SAMD11: variants seen among roughly 807,000 people sequenced by gnomAD.
SAMD11 encodes the protein sterile alpha motif domain containing 11, also known as sterile alpha motif domain-containing protein 11.
SAMD11 carries 77 observed loss-of-function variants against 64.4 expected under a neutral mutation model. That is an observed-to-expected ratio of 1.20 (90% CI 0.99 to 1.44). The LOEUF is 1.44. SAMD11 is among the 40% of genes most tolerant of loss of function. The pLI, the probability that SAMD11 is intolerant of heterozygous loss-of-function variation, is 0.00. For synonymous variants in SAMD11, 658 were observed against 421.9 expected (o/e 1.56, Z -6.86); for missense variants, 1,402 against 943.3 (o/e 1.49, Z -6.37).
At chr1:942,100 C>CG (rs940241544) in intron 8 of SAMD11, 36 bp from the exon 9 acceptor site, 27 of 605,918 alleles carry the variant, frequency 4.5e-5, no homozygotes, top group African/African-American at 7.9e-5. Context: ...GGAACGGGGG[C>CG]GGGGGGGACG....
intron 7 of SAMD11, 175 bp downstream of exon 7, chr1:939,587 CTGCCCCATG>C: frequency 8.3e-7 from 1 of 1,210,558 alleles, no homozygotes; most frequent in Non-Finnish European, 1.1e-6. Flanking sequence ...GCCACACGTC[CTGCCCCATG>C]CCCCCTGGGG....
chr1:943,837 C>T (rs375770927), intron 13 of SAMD11, 29 bp downstream of exon 13: 109 of 1,612,842 alleles, frequency 6.8e-5, no homozygotes, highest in Non-Finnish European at 9.0e-5. Context: ...AGGTCAGGGT[C>T]TCCAGACCAC....
chr1:928,198 C>A (rs540000009), intron 2 of SAMD11, among the ~76,000 whole-genome samples: 3 of 151,512 alleles, frequency 2.0e-5, no homozygotes, highest in South Asian at 2.1e-4. Flanking sequence ...TCGAGACCAT[C>A]CTGACTAACA....
At chr1:929,674 A>G (rs949570635) in intron 2 of SAMD11, among the ~76,000 whole-genome samples, 1 of 152,220 alleles carries the variant, frequency 6.6e-6, no homozygotes, top group African/African-American at 2.4e-5. Flanking sequence ...CCCAGGCCAC[A>G]GGCAGATCCC....
intron 9 of SAMD11, 41 bp from the exon 10 acceptor site, chr1:942,359 GCTCGGACCGC>G (rs1265864602): frequency 1.4e-5 from 17 of 1,227,258 alleles, no homozygotes; most frequent in Admixed American, 2.6e-5. Context: ...CAAAGGGCCG[GCTCGGACCGC>G]CTCGGACCCC....
Position 942,261 on chromosome 1 carries a change from C to A in SAMD11, c.1474+10C>A. ...CTGTGCCAGACCCCAGGTGAGGAGG[C>A]GGGTGCGCATCCCCTGGGAGCCCGC... is the stretch of plus-strand genomic sequence containing the variant. On this transcript the variant is annotated intron_variant, in intron 9 of 13. Coordinates refer to ENST00000616016, the MANE Select transcript of SAMD11 (RefSeq NM_001385641.1). 1 of 1,145,738 alleles carries A rather than the reference C, an allele frequency of 8.7e-7. No individual in the cohort carries two copies. The highest frequency in any genetic ancestry group is 1.2e-6 in the Non-Finnish European group (1 of 863,978). 71.0% of individuals were successfully genotyped at this position (1,145,738 alleles called of 1,614,324 possible).
At chr1:941,557 G>T (rs975365776) in intron 8 of SAMD11, among the ~76,000 whole-genome samples, 1 of 152,074 alleles carries the variant, frequency 6.6e-6, no homozygotes, top group East Asian at 1.9e-4. Context: ...AGAGCTCCAA[G>T]TCTGGAACCC....
At chr1:937,422 C>T (rs1432679281) in intron 5 of SAMD11, among the ~76,000 whole-genome samples, 1 of 151,776 alleles carries the variant, frequency 6.6e-6, no homozygotes. Flanking sequence ...AGTCACCTCC[C>T]CCAGGCTAGG....
intron 5 of SAMD11, among the ~76,000 whole-genome samples, chr1:936,285 C>T (rs994811953): frequency 7.0e-6 from 1 of 141,856 alleles, no homozygotes; most frequent in Admixed American, 7.0e-5. Context: ...GTCCCGCCTC[C>T]TAGGGCTCCT....
At chr1:937,875 A>T (rs930146129) in intron 5 of SAMD11, among the ~76,000 whole-genome samples, 3 of 152,230 alleles carry the variant, frequency 2.0e-5, no homozygotes, top group African/African-American at 2.4e-5. Context: ...TGGCCGCCGC[A>T]CTTCCCCAGC....
At position 942,450 on chromosome 1, in the gene SAMD11, C is replaced by T. The variant is rs1557610022; in HGVS notation, c.1515C>T (p.Ala505=). ...CCCCCGCGCAGGCGGAGATGTTCGC[C>T]TGGCAGCAGGAGCTCCTGCGGAAGC... ...FLPPAQAEMF[A]WQQELLRKQN... The change falls in exon 10 of 14, where the codon GCC becomes GCT. Residue 505 remains alanine (A), a synonymous_variant. Transcript: ENST00000616016. 37 of 1,488,768 alleles carry T rather than the reference C, an allele frequency of 2.5e-5. No homozygotes were observed. Among genetic ancestry groups the T allele is most frequent in the Non-Finnish European group, 3.1e-5 (35 of 1,125,804 alleles). 92.2% of individuals were successfully genotyped at this position (1,488,768 alleles called of 1,614,324 possible).
Position 944,280 on chromosome 1 carries a change from G to T in SAMD11, c.*127G>T. On this transcript the variant is annotated 3_prime_UTR_variant, in exon 14 of 14. Coordinates refer to ENST00000616016, the MANE Select transcript of SAMD11 (RefSeq NM_001385641.1). ...AAAACAAAAAATTTTAAAAGAAAAT[G>T]TGACTTCAAAGGAAAGGAACAAATT... The T allele has an allele frequency of 7.0e-7, 1 of 1,435,430 alleles. No homozygotes were observed. Among genetic ancestry groups the T allele is most frequent in the Non-Finnish European group, 9.1e-7 (1 of 1,096,892 alleles). The allele number at this position is 1,435,430 out of a possible 1,614,324, so 88.9% of individuals were successfully genotyped here.
At chr1:928,794 T>TG (rs991414467) in intron 2 of SAMD11, among the ~76,000 whole-genome samples, 37 of 151,982 alleles carry the variant, frequency 2.4e-4, no homozygotes, top group African/African-American at 8.5e-4. Context: ...TCCACCTGGG[T>TG]GGGGGGATGC....
chr1:939,539 C>A, intron 7 of SAMD11, 127 bp downstream of exon 7: 1 of 1,519,902 alleles, frequency 6.6e-7, no homozygotes, highest in Non-Finnish European at 8.9e-7. Context: ...TGCTGAGGCC[C>A]TGCTGACACC....
At chr1:926,073 C>A in intron 2 of SAMD11, 60 bp downstream of exon 2, 2 of 1,526,112 alleles carry the variant, frequency 1.3e-6, no homozygotes, top group Non-Finnish European at 1.8e-6. Flanking sequence ...CTTGTCCCTG[C>A]GGTTTTCAGG....
At chr1:927,591 T>G (rs544769471) in intron 2 of SAMD11, among the ~76,000 whole-genome samples, 1 of 152,220 alleles carries the variant, frequency 6.6e-6, no homozygotes, top group African/African-American at 2.4e-5. Flanking sequence ...CCCATGTTTC[T>G]TACTCAGAGG....
At chr1:942,039 G>A (rs1438675469) in intron 8 of SAMD11, 97 bp from the exon 9 acceptor site, 2 of 444,732 alleles carry the variant, frequency 4.5e-6, no homozygotes, top group Non-Finnish European at 8.0e-6. Context: ...GACCGCCCGC[G>A]GGGCCGGCAA....
rs754562511 is a variant in SAMD11 at position 939,087 on chromosome 1, G to A, written c.1015G>A (p.Asp339Asn). The change falls in exon 6 of 14, where the codon GAC becomes AAC. Residue 339 changes from aspartate (D) to asparagine (N), a missense_variant. Coordinates refer to ENST00000616016, the MANE Select transcript of SAMD11 (RefSeq NM_001385641.1). ...RLGRSPRISS[D>N]CFSEKRARSE... ...GGGCCGCTCCCCCCGTATCAGCAGC[G>A]ACTGCTTTTCAGAGAAGAGGGCACG... The A allele has an allele frequency of 1.3e-4, 203 of 1,605,724 alleles. No homozygotes were observed. The highest frequency in any genetic ancestry group is 1.6e-4 in the Non-Finnish European group (193 of 1,176,482).
intron 5 of SAMD11, among the ~76,000 whole-genome samples, chr1:937,992 T>C (rs546657807): frequency 6.6e-6 from 1 of 152,280 alleles, no homozygotes; most frequent in African/African-American, 2.4e-5. Context: ...CTAGGCCTCA[T>C]GGAGGTCTTG....
Sources: gnomAD v4.1 joint callset for allele counts (sites outside exome capture counted in the v4.1 genomes callset) on GRCh38, gnomAD v4.1.1 for gene constraint, MANE v1.5 for transcripts, NCBI Gene and HGNC (gene_info 2026-07-23, HGNC 2026-07-21) for gene names.